LAMP2: variants seen among roughly 807,000 people sequenced by gnomAD.
LAMP2 encodes lysosome-associated membrane glycoprotein 2.
Under a neutral mutation model 25.6 loss-of-function variants are expected in LAMP2, and 4 were observed. The ratio of observed to expected loss-of-function variants is 0.16; its 90% confidence interval spans 0.08 to 0.36. The LOEUF is 0.36. LAMP2 is among the 10% of genes least tolerant of loss of function. The probability of loss-of-function intolerance (pLI) is 1.00; values close to 1 mark genes in which losing one functional copy is unlikely to be tolerated. For synonymous variants in LAMP2, 108 were observed against 112.7 expected (o/e 0.96, Z 0.27); for missense variants, 272 against 301.4 (o/e 0.90, Z 0.72).
At chrX:120,456,518 G>A in intron 2 of LAMP2, 133 bp downstream of exon 2, 1 of 415,311 alleles carries the variant, frequency 2.4e-6, no homozygotes, top group East Asian at 4.0e-5. Context: ...GAGTGTGTAT[G>A]CTTAAAAAAA....
chrX:120,448,160 T>C, intron 4 of LAMP2, 135 bp from the exon 5 acceptor site: 1 of 551,481 alleles, frequency 1.8e-6, no homozygotes, highest in Non-Finnish European at 3.1e-6. Flanking sequence ...ATCTTGTTAG[T>C]ATATTTGAAA....
chrX:120,438,276 A>G (rs1020861760), intron 8 of LAMP2: 1 of 750,521 alleles, frequency 1.3e-6, no homozygotes, highest in Admixed American at 8.7e-5. Flanking sequence ...AAATGTTGGA[A>G]GGCTAAAGAG....
chrX:120,463,246 G>T (rs765996048), intron 1 of LAMP2, among the ~76,000 whole-genome samples: 7 of 111,873 alleles, frequency 6.3e-5, no homozygotes, highest in African/African-American at 1.9e-4. Context: ...CTTGCTTTTG[G>T]TAAGTTTCTT....
chrX:120,430,273 A>T lies in LAMP2; in HGVS notation c.*1050T>A, dbSNP rs2058517453. On this transcript the variant is annotated 3_prime_UTR_variant, in exon 9 of 9. Transcript: ENST00000200639. ...AGGGCTGATTATCTAGCTCATTTTAATGCCAACAGCTTCTCTTTACACCCC... is the reference window on the plus strand; with the variant it reads ...AGGGCTGATTATCTAGCTCATTTTATTGCCAACAGCTTCTCTTTACACCCC... The T allele has an allele frequency of 1.3e-6, 1 of 753,440 alleles. No homozygotes were observed. The highest frequency in any genetic ancestry group is 2.3e-5 in the African/African-American group (1 of 43,503). The allele number at this position is 753,440 out of a possible 1,213,427, so 62.1% of individuals were successfully genotyped here.
At chrX:120,451,704 G>A (rs2058622103) in intron 3 of LAMP2, among the ~76,000 whole-genome samples, 1 of 111,162 alleles carries the variant, frequency 9.0e-6, no homozygotes, top group African/African-American at 3.3e-5. Flanking sequence ...GACCTCCAAT[G>A]ATCCACCAGC....
intron 8 of LAMP2, among the ~76,000 whole-genome samples, chrX:120,436,168 A>ACTCTCTCT (rs1459861912): frequency 1.3e-5 from 1 of 79,743 alleles, no homozygotes; most frequent in African/African-American, 5.1e-5. Flanking sequence ...ACACACACAC[A>ACTCTCTCT]CACTCTCTCT....
At chrX:120,446,496 T>C in intron 5 of LAMP2, 69 bp from the exon 6 acceptor site, 1 of 1,084,401 alleles carries the variant, frequency 9.2e-7, no homozygotes, top group Non-Finnish European at 1.3e-6. Flanking sequence ...CCTTACACTC[T>C]ACCAAACAAA....
intron 3 of LAMP2, among the ~76,000 whole-genome samples, chrX:120,455,141 G>A (rs1010249422): frequency 9.5e-6 from 1 of 105,318 alleles, no homozygotes; most frequent in Non-Finnish European, 1.9e-5. Context: ...ATAATACCTG[G>A]TATACAGTAA....
In LAMP2 at chrX:120,455,248, T is replaced by C. The variant is rs1196166113; in HGVS notation, c.397+109A>G. ...TGGGAGGGTTATAAAGACATGAAGT[T>C]TCCATGCTAGTTAGGAAGACAGACA... is the stretch of plus-strand genomic sequence containing the variant. On this transcript the variant is annotated intron_variant, in intron 3 of 8. Transcript: ENST00000200639. 7 of 654,559 alleles carry C rather than the reference T, an allele frequency of 1.1e-5. No homozygotes were observed. In the East Asian group the frequency reaches 2.5e-4, roughly 23 times the overall value. 53.9% of individuals were successfully genotyped at this position (654,559 alleles called of 1,213,427 possible). A position where few individuals can be genotyped will look rare whatever the true frequency, so the allele number is the denominator to read the frequency against.
intron 1 of LAMP2, among the ~76,000 whole-genome samples, chrX:120,466,544 C>A (rs1184424356): frequency 1.8e-5 from 2 of 111,603 alleles, no homozygotes; most frequent in African/African-American, 6.5e-5. Flanking sequence ...CTCAAGGCCG[C>A]CTTTCAGAAG....
rs182654000 is a variant in LAMP2 at position 120,428,698 on chromosome X, A to G, written c.*2625T>C. ...GCAATTAAGTAGTAAAAAGCATGCA[A>G]GAAACATGCATTTTGAAAGTGTACA... is the stretch of plus-strand genomic sequence containing the variant. On this transcript the variant is annotated 3_prime_UTR_variant, in exon 9 of 9. Coordinates refer to ENST00000200639, the MANE Select transcript of LAMP2 (RefSeq NM_002294.3). 2 of 1,106,662 alleles carry G rather than the reference A, an allele frequency of 1.8e-6. No homozygotes were observed. Among genetic ancestry groups the G allele is most frequent in the East Asian group, 7.2e-5 (2 of 27,695 alleles). The allele number at this position is 1,106,662 out of a possible 1,213,427, so 91.2% of individuals were successfully genotyped here. A position where few individuals can be genotyped will look rare whatever the true frequency, so the allele number is the denominator to read the frequency against.
Position 120,449,011 on chromosome X carries a change from A to C in LAMP2, c.515T>G (p.Leu172Arg). The change falls in exon 4 of 9, where the codon CTT becomes CGT. Residue 172 changes from leucine (L) to arginine (R), a missense_variant. Leu to Arg is a moderately radical substitution (Grantham distance 102). Coordinates refer to ENST00000200639, the MANE Select transcript of LAMP2 (RefSeq NM_002294.3). ...GCCATTTTGGACAAAAGCTTGTACA[A>C]GAACATCCCAGTAGTGTTGGACAAC... ...NDVVQHYWDV[L>R]VQAFVQNGTV... The C allele has an allele frequency of 8.3e-7, 1 of 1,209,470 alleles. No homozygotes were observed. Among genetic ancestry groups the C allele is most frequent in the Non-Finnish European group, 1.1e-6 (1 of 893,299 alleles).
intron 4 of LAMP2, 21 bp from the exon 5 acceptor site, chrX:120,448,046 C>G (rs765056358): frequency 8.4e-7 from 1 of 1,193,644 alleles, no homozygotes; most frequent in South Asian, 1.8e-5. Flanking sequence ...CGAAAAGGGA[C>G]AAAAGAAACC....
At chrX:120,446,511 A>G in intron 5 of LAMP2, 84 bp from the exon 6 acceptor site, 1 of 989,325 alleles carries the variant, frequency 1.0e-6, no homozygotes, top group Non-Finnish European at 1.4e-6. Context: ...AACAAAATCA[A>G]CTTCAGCGTA....
In LAMP2 at chrX:120,430,641, G is replaced by A; in HGVS notation, c.*682C>T. On this transcript the variant is annotated 3_prime_UTR_variant, in exon 9 of 9. Coordinates refer to ENST00000200639, the MANE Select transcript of LAMP2 (RefSeq NM_002294.3). Reference sequence around the variant, plus strand: ...CAATTATCTTAAAAACTCTAATTACGAAGCCAGTTTAAGTTCTGTTGTAGC... The same window carrying A: ...CAATTATCTTAAAAACTCTAATTACAAAGCCAGTTTAAGTTCTGTTGTAGC... The A allele has an allele frequency of 8.0e-6, 6 of 752,040 alleles. No individual in the cohort carries two copies. Among genetic ancestry groups the A allele is most frequent in the Non-Finnish European group, 7.8e-6 (5 of 637,312 alleles). 62.0% of individuals were successfully genotyped at this position (752,040 alleles called of 1,213,427 possible).
At chrX:120,455,878 AGAG>A (rs1219219493) in intron 2 of LAMP2, among the ~76,000 whole-genome samples, 1 of 106,701 alleles carries the variant, frequency 9.4e-6, no homozygotes, top group African/African-American at 3.4e-5. Context: ...AAAGGAATTA[AGAG>A]GAGATGTCAA....
At chrX:120,448,821 C>T (rs2058609146) in intron 4 of LAMP2, 149 bp downstream of exon 4, 2 of 487,950 alleles carry the variant, frequency 4.1e-6, no homozygotes. Flanking sequence ...ATAAGAATTG[C>T]TATTATTTAC....
intron 8 of LAMP2, chrX:120,439,027 AATCCCCC>A: frequency 9.0e-7 from 1 of 1,110,751 alleles, no homozygotes; most frequent in Non-Finnish European, 1.2e-6. Context: ...TTAAGTTTGA[AATCCCCC>A]ATACCACCCA....
At chrX:120,432,676 C>T (rs2058527367) in intron 8 of LAMP2, among the ~76,000 whole-genome samples, 1 of 111,591 alleles carries the variant, frequency 9.0e-6, no homozygotes, top group South Asian at 3.7e-4. Flanking sequence ...TATGTAGATG[C>T]TGGTGCCATT....
Sources: allele counts gnomAD v4.1 joint callset (sites outside exome capture counted in the v4.1 genomes callset), GRCh38; gene constraint gnomAD v4.1.1; transcripts MANE v1.5; gene names NCBI Gene and HGNC (gene_info 2026-07-23, HGNC 2026-07-21).